Variants in CSNK2A2 observed in about 807,000 individuals in gnomAD.
CSNK2A2 encodes casein kinase 2 alpha 2, also known as casein kinase II subunit alpha'.
CSNK2A2 carries 8 observed loss-of-function variants against 54.0 expected under a neutral mutation model. The observed-to-expected ratio is 0.15, with a 90% CI of 0.09 to 0.27. The LOEUF (loss-of-function observed/expected upper bound fraction) is 0.27. CSNK2A2 is among the 10% of genes least tolerant of loss of function. The probability of loss-of-function intolerance (pLI) is 1.00; values close to 1 mark genes in which losing one functional copy is unlikely to be tolerated. For synonymous variants in CSNK2A2, 141 were observed against 153.9 expected (o/e 0.92, Z 0.62); for missense variants, 242 against 439.4 (o/e 0.55, Z 4.02).
rs181450047 is a variant in CSNK2A2, at chr16:58,187,091, T to C, written c.217-235A>G. Among the ~76,000 whole-genome samples, 144 of 151,802 alleles carry C rather than the reference T, an allele frequency of 9.5e-4. 2 individuals are homozygous for C. The highest frequency in any genetic ancestry group is 3.4e-3 in the African/African-American group (139 of 41,370). On this transcript the variant is annotated intron_variant, in intron 2 of 11. Transcript: ENST00000262506. ...AGCTTATGTGTCAAGATCTTCTAAGTAGTTACATTGAGGGCACTTAAAAAT... is the reference window on the plus strand; with the variant it reads ...AGCTTATGTGTCAAGATCTTCTAAGCAGTTACATTGAGGGCACTTAAAAAT...
chr16:58,184,323 A>G lies in CSNK2A2; in HGVS notation c.319-13T>C, dbSNP rs1360994159. The G allele has an allele frequency of 6.4e-7, 1 of 1,566,688 alleles. No homozygotes were observed. The highest frequency in any genetic ancestry group is 8.8e-7 in the Non-Finnish European group (1 of 1,141,476). On this transcript the variant is annotated splice_polypyrimidine_tract_variant and intron_variant, in intron 3 of 11. Transcript: ENST00000262506. The stretch of plus-strand genomic sequence containing the variant: ...CTGGTGTCTTTGACTGTAAAAGAGA[A>G]TATTAATGCTTTTTAAGTACCCAAA...
intron 5 of CSNK2A2, 181 bp downstream of exon 5, chr16:58,174,269 AG>A: frequency 3.9e-6 from 2 of 518,138 alleles, no homozygotes; most frequent in Non-Finnish European, 6.7e-6. Flanking sequence ...CTTTTTTCCC[AG>A]TTCCACTGGA....
chr16:58,189,055 C>T (rs1459657214), intron 2 of CSNK2A2, among the ~76,000 whole-genome samples: 1 of 148,980 alleles, frequency 6.7e-6, no homozygotes, highest in Non-Finnish European at 1.5e-5. Flanking sequence ...CTCCCAGGTT[C>T]AAACAATTCT....
Position 58,167,724 on chromosome 16 carries a change from T to G in CSNK2A2, c.585A>C (p.Ser195=). The G allele has an allele frequency of 2.5e-6, 4 of 1,614,058 alleles. No homozygotes were observed. The highest frequency in any genetic ancestry group is 3.4e-6 in the Non-Finnish European group (4 of 1,179,912). Reference sequence around the variant, plus strand: ...GGAGCTCTGGTCCCTTGAAGTACCTTGAGGCTACACGAACATTGTACTCCT... The same window carrying G: ...GGAGCTCTGGTCCCTTGAAGTACCTGGAGGCTACACGAACATTGTACTCCT... ...PAQEYNVRVA[S]RYFKGPELLV... is the part of the protein sequence containing the mutation. The change falls in exon 7 of 12, where the codon TCA becomes TCC. Residue 195 remains serine (S), a synonymous_variant. Transcript: ENST00000262506.
At chr16:58,177,287 A>G (rs1961907807) in intron 4 of CSNK2A2, among the ~76,000 whole-genome samples, 1 of 152,218 alleles carries the variant, frequency 6.6e-6, no homozygotes, top group Non-Finnish European at 1.5e-5. Context: ...CAAGAACTAC[A>G]CTTTCTCTCC....
At chr16:58,183,308 CAG>C (rs1297380431) in intron 4 of CSNK2A2, among the ~76,000 whole-genome samples, 8 of 150,664 alleles carry the variant, frequency 5.3e-5, no homozygotes, top group Admixed American at 2.0e-4. Flanking sequence ...ACCCGGGAGA[CAG>C]AGGTTGCAGT....
At position 58,179,659 on chromosome 16, in the gene CSNK2A2, C is replaced by T. The variant is rs1022123795; in HGVS notation, c.369+4601G>A. 3.3e-5 allele frequency among the ~76,000 whole-genome samples: 5 copies of T among 152,166 alleles called. No homozygotes were observed. In the South Asian group the frequency reaches 8.3e-4, roughly 25 times the overall value. ...AGTAAAAAGTCTTCGGAGAAAAATG[C>T]AAATTCACAATGTTGCAGTTTGCAC... On this transcript the variant is annotated intron_variant, in intron 4 of 11. Coordinates refer to ENST00000262506, the MANE Select transcript of CSNK2A2 (RefSeq NM_001896.4).
In CSNK2A2 at chr16:58,197,499, G is replaced by A. The variant is rs1213246634; in HGVS notation, c.104+134C>T. The A allele has an allele frequency of 8.5e-6, 4 of 472,410 alleles. No individual in the cohort carries two copies. Among genetic ancestry groups the A allele is most frequent in the Non-Finnish European group, 1.1e-5 (3 of 262,900 alleles). The allele number at this position is 472,410 out of a possible 1,614,324, so 29.3% of individuals were successfully genotyped here. A position where few individuals can be genotyped will look rare whatever the true frequency, so the allele number is the denominator to read the frequency against. ...GAGGAAGACGAGGACATGTGCGAGA[G>A]CGGGACCTCTGCCTCCCTGCGGGCC... On this transcript the variant is annotated intron_variant, in intron 1 of 11. Transcript: ENST00000262506. This position sits in a 1 kb window ranked among gnomAD's most constrained non-coding sequence, Gnocchi z 4.0.
At chr16:58,181,897 A>C (rs1280769393) in intron 4 of CSNK2A2, among the ~76,000 whole-genome samples, 1 of 152,160 alleles carries the variant, frequency 6.6e-6, no homozygotes, top group African/African-American at 2.4e-5. Flanking sequence ...TTCCAGAGGT[A>C]AAAAACAAAA....
intron 5 of CSNK2A2, among the ~76,000 whole-genome samples, chr16:58,171,161 T>C (rs1453797169): frequency 1.3e-5 from 2 of 152,236 alleles, no homozygotes; most frequent in African/African-American, 2.4e-5. Context: ...GAATGAGCCC[T>C]AGGATTAGCA....
chr16:58,196,774 T>G lies in CSNK2A2; in HGVS notation c.175A>C (p.Asn59His). 1 of 1,614,028 alleles carries G rather than the reference T, an allele frequency of 6.2e-7. No homozygotes were observed. Among genetic ancestry groups the G allele is most frequent in the East Asian group, 2.2e-5 (1 of 44,890 alleles). ...ACCACTCTCTCATTGTTGGTGATATTAATGGCCTCAAATACTTCACTATAT... is the reference window on the plus strand; with the variant it reads ...ACCACTCTCTCATTGTTGGTGATATGAATGGCCTCAAATACTTCACTATAT... ...GKYSEVFEAINITNNERVVVK... is the reference protein window; with the variant it reads ...GKYSEVFEAIHITNNERVVVK... Residue 59 changes from asparagine (N) to histidine (H), a missense_variant, in exon 2 of 12, where the codon AAT becomes CAT. By Grantham distance (68) the Asn-to-His change is moderately conservative. Coordinates refer to ENST00000262506, the MANE Select transcript of CSNK2A2 (RefSeq NM_001896.4).
At chr16:58,166,560 A>ACT (rs112507755) in intron 9 of CSNK2A2, 24 bp downstream of exon 9, 270 of 1,394,434 alleles carry the variant, frequency 1.9e-4, no homozygotes, top group Non-Finnish European at 2.2e-4. Flanking sequence ...AAGGTAAAGC[A>ACT]CTCTCTCTCT....
intron 2 of CSNK2A2, 92 bp downstream of exon 2, chr16:58,196,641 T>C (rs1350612485): frequency 6.2e-6 from 5 of 803,780 alleles, no homozygotes; most frequent in Non-Finnish European, 9.0e-6. Flanking sequence ...AATTCAAGCT[T>C]GCATTGCCCA....
chr16:58,187,642 C>G (rs1367130158), intron 2 of CSNK2A2, among the ~76,000 whole-genome samples: 1 of 152,210 alleles, frequency 6.6e-6, no homozygotes, highest in African/African-American at 2.4e-5. Context: ...CTATCATAAT[C>G]AAGTATGCTT....
chr16:58,167,313 G>A lies in CSNK2A2; in HGVS notation c.625-5C>T. The stretch of plus-strand genomic sequence containing the variant: ...GTCCAAGCTATAATCATACATCTGA[G>A]GCAATAAGGACAACGCATTAGCCAA... On this transcript the variant is annotated splice_region_variant and splice_polypyrimidine_tract_variant and intron_variant, in intron 7 of 11. Coordinates refer to ENST00000262506, the MANE Select transcript of CSNK2A2 (RefSeq NM_001896.4). The A allele has an allele frequency of 6.2e-7, 1 of 1,603,948 alleles. No individual in the cohort carries two copies. Among genetic ancestry groups the A allele is most frequent in the Non-Finnish European group, 8.5e-7 (1 of 1,173,568 alleles).
chr16:58,184,606 A>G (rs944186220), intron 3 of CSNK2A2, among the ~76,000 whole-genome samples: 1 of 152,184 alleles, frequency 6.6e-6, no homozygotes, highest in Non-Finnish European at 1.5e-5. Context: ...TACATTTTTC[A>G]TTTACTTTTG....
chr16:58,173,128 T>G (rs118120823), intron 5 of CSNK2A2, among the ~76,000 whole-genome samples: 1,811 of 152,334 alleles, frequency 0.012, 28 homozygotes, highest in South Asian at 0.041. Context: ...CACAGGATCA[T>G]GGCACTGCAA....
rs561907014 is a variant in CSNK2A2, at chr16:58,176,866, A to G, written c.370-2356T>C. 2.0e-4 allele frequency among the ~76,000 whole-genome samples: 30 copies of G among 152,336 alleles called. 1 individual carries two copies. In the South Asian group the frequency reaches 5.0e-3, roughly 25 times the overall value. ...GACTGGTGGTAACCTCAGGTTCTCA[A>G]GGTGACTCCTCACTCTGCTGCGTGC... is the stretch of plus-strand genomic sequence containing the variant. On this transcript the variant is annotated intron_variant, in intron 4 of 11. Transcript: ENST00000262506.
In CSNK2A2 at chr16:58,165,694, C is replaced by T. The variant is rs1465113121; in HGVS notation, c.842G>A (p.Arg281His). 4.4e-6 allele frequency: 7 copies of T among 1,607,852 alleles called. No homozygotes were observed. The highest frequency in any genetic ancestry group is 5.9e-6 in the Non-Finnish European group (7 of 1,178,374). ...CTCACTATGGATAAAGTTTTCCCAG[C>T]GTTTCCGTGAATGTCTGAGAAGAAA... ...NDILGQHSRK[R>H]WENFIHSENR... The change falls in exon 10 of 12, where the codon CGC becomes CAC. Residue 281 changes from arginine (R) to histidine (H), a missense_variant. By Grantham distance (29) the Arg-to-His change is conservative. Transcript: ENST00000262506.
Sources: allele counts gnomAD v4.1 joint callset (sites outside exome capture counted in the v4.1 genomes callset), GRCh38; gene constraint gnomAD v4.1.1; non-coding constraint Gnocchi (gnomAD v3.1); transcripts MANE v1.5; gene names NCBI Gene and HGNC (gene_info 2026-07-23, HGNC 2026-07-21).